Variants in CNTNAP4 observed in about 807,000 individuals in gnomAD.
CNTNAP4 encodes the protein contactin-associated protein-like 4.
Under a neutral mutation model 148.4 loss-of-function variants are expected in CNTNAP4, and 98 were observed. The ratio of observed to expected loss-of-function variants is 0.66; its 90% CI spans 0.56 to 0.78. The LOEUF (loss-of-function observed/expected upper bound fraction) is 0.78, where lower values mean the gene tolerates loss of function less well. CNTNAP4 is among the 30% of genes least tolerant of loss of function. The probability of loss-of-function intolerance (pLI) is 0.00; values close to 1 mark genes in which losing one functional copy is unlikely to be tolerated. For missense variants in CNTNAP4, 1,935 were observed against 1,565.6 expected (o/e 1.24, Z -3.98); for synonymous variants, 730 against 565.1 (o/e 1.29, Z -4.14).
chr16:76,503,614 G>A (rs537254118), intron 15 of CNTNAP4, among the ~76,000 whole-genome samples: 34 of 152,146 alleles, frequency 2.2e-4, no homozygotes, highest in African/African-American at 7.7e-4. Context: ...GTGCCATGTT[G>A]GTGTGCTGCA....
chr16:76,452,838 T>G (rs2080565773), intron 8 of CNTNAP4, 69 bp downstream of exon 8: 3 of 1,358,550 alleles, frequency 2.2e-6, no homozygotes, highest in African/African-American at 2.9e-5. Flanking sequence ...TGGCCAAATT[T>G]TATGCATAAC....
At chr16:76,511,427 G>A (rs1382140471) in intron 15 of CNTNAP4, among the ~76,000 whole-genome samples, 1 of 152,118 alleles carries the variant, frequency 6.6e-6, no homozygotes. Flanking sequence ...TTGCAGAAGT[G>A]AGACTCTTCA....
chr16:76,302,653 T>C (rs1357897839), intron 1 of CNTNAP4, among the ~76,000 whole-genome samples: 2 of 152,196 alleles, frequency 1.3e-5, no homozygotes, highest in Non-Finnish European at 2.9e-5. Context: ...AATTAATTAA[T>C]TACATCTGCA....
At chr16:76,318,727 ATTAT>A (rs1385395516) in intron 2 of CNTNAP4, among the ~76,000 whole-genome samples, 2 of 148,068 alleles carry the variant, frequency 1.4e-5, no homozygotes, top group African/African-American at 2.5e-5. Flanking sequence ...GAATAAATTA[ATTAT>A]TTTTATTAAT....
chr16:76,399,342 G>C (rs74026759), intron 3 of CNTNAP4, among the ~76,000 whole-genome samples: 6,859 of 152,246 alleles, frequency 0.045, 521 homozygotes, highest in African/African-American at 0.16. Context: ...ATGAGATGAT[G>C]TGTGAAAAGT....
At chr16:76,518,549 T>C (rs2083337409) in intron 15 of CNTNAP4, among the ~76,000 whole-genome samples, 1 of 152,190 alleles carries the variant, frequency 6.6e-6, no homozygotes, top group African/African-American at 2.4e-5. Context: ...AGATACATAA[T>C]ACTTATGCAT....
chr16:76,480,278 A>C (rs889092481), intron 12 of CNTNAP4, among the ~76,000 whole-genome samples: 3 of 152,192 alleles, frequency 2.0e-5, no homozygotes, highest in Non-Finnish European at 4.4e-5. Context: ...ACAAACATAA[A>C]ATTAATTTTA....
At chr16:76,456,264 G>A (rs1291397445) in intron 8 of CNTNAP4, among the ~76,000 whole-genome samples, 1 of 152,192 alleles carries the variant, frequency 6.6e-6, no homozygotes, top group Non-Finnish European at 1.5e-5. Context: ...TAGGATTTGG[G>A]GTTGTGTTAG....
chr16:76,394,231 T>C (rs1290666674), intron 3 of CNTNAP4, among the ~76,000 whole-genome samples: 3 of 152,210 alleles, frequency 2.0e-5, no homozygotes, highest in African/African-American at 4.8e-5. Context: ...ATTTTGGAAG[T>C]TGGCCTTGAG....
chr16:76,329,884 C>G (rs138445763), intron 2 of CNTNAP4, among the ~76,000 whole-genome samples: 221 of 152,172 alleles, frequency 1.5e-3, no homozygotes, highest in Admixed American at 2.9e-3. Context: ...GACTGTGTGC[C>G]AGAAAGAGAA....
rs28690693 is a variant in CNTNAP4 at position 76,320,647 on chromosome 16, T to A, written c.196+4124T>A. Among the ~76,000 whole-genome samples the A allele has an allele frequency of 8.0e-3, 1,217 of 152,282 alleles. 16 individuals carry two copies. The highest frequency in any genetic ancestry group is 0.028 in the African/African-American group (1,151 of 41,560). Reference sequence around the variant, plus strand: ...TTTTAATGGGCAATTTAAAGTTAAGTGTACATTGACTCTTAGTGTTGTCAA... The same window carrying A: ...TTTTAATGGGCAATTTAAAGTTAAGAGTACATTGACTCTTAGTGTTGTCAA... On this transcript the variant is annotated intron_variant, in intron 2 of 23. Coordinates refer to ENST00000611870, the MANE Select transcript of CNTNAP4 (RefSeq NM_033401.5).
chr16:76,549,445 G>C (rs964809582), intron 21 of CNTNAP4, among the ~76,000 whole-genome samples: 13 of 152,054 alleles, frequency 8.5e-5, no homozygotes, highest in African/African-American at 3.1e-4. Flanking sequence ...GGTGATCAGT[G>C]GCTGGGCACC....
rs570768904 is a variant in CNTNAP4, at chr16:76,559,855, C to G, written c.*1172C>G. ...AATATGAGCTGCAACCATCAGTGAT[C>G]TACACAATCAATAATTAAACAATGC... On this transcript the variant is annotated 3_prime_UTR_variant, in exon 24 of 24. Transcript: ENST00000611870. Among the ~76,000 whole-genome samples the G allele has an allele frequency of 2.6e-5, 4 of 152,248 alleles. No individual in the cohort carries two copies. In the East Asian group the frequency reaches 5.8e-4, roughly 22 times the overall value.
intron 3 of CNTNAP4, among the ~76,000 whole-genome samples, chr16:76,371,420 G>A (rs1322895209): frequency 6.6e-6 from 1 of 152,082 alleles, no homozygotes; most frequent in African/African-American, 2.4e-5. Context: ...TGAGTAGCTG[G>A]GATTACAGGT....
chr16:76,296,015 A>AT (rs1228165725), intron 1 of CNTNAP4, among the ~76,000 whole-genome samples: 2 of 152,088 alleles, frequency 1.3e-5, no homozygotes, highest in African/African-American at 4.8e-5. Context: ...AAGTGTGTTC[A>AT]TTTTTTGAAA....
intron 1 of CNTNAP4, among the ~76,000 whole-genome samples, chr16:76,294,916 A>G (rs930615642): frequency 8.5e-5 from 13 of 152,198 alleles, no homozygotes; most frequent in Non-Finnish European, 1.9e-4. Flanking sequence ...TTGTGACCAC[A>G]TTTTATGCTG....
At chr16:76,291,051 T>C (rs966799802) in intron 1 of CNTNAP4, among the ~76,000 whole-genome samples, 2 of 152,166 alleles carry the variant, frequency 1.3e-5, no homozygotes, top group Non-Finnish European at 2.9e-5. Flanking sequence ...TACAACCTCA[T>C]TTAAACATAA....
At chr16:76,306,983 C>T (rs1307130533) in intron 1 of CNTNAP4, among the ~76,000 whole-genome samples, 1 of 152,034 alleles carries the variant, frequency 6.6e-6, no homozygotes, top group Non-Finnish European at 1.5e-5. Flanking sequence ...AATCCAGACC[C>T]CATGTTTTCA....
intron 3 of CNTNAP4, among the ~76,000 whole-genome samples, chr16:76,370,764 CTGAG>C (rs1302650486): frequency 6.6e-6 from 1 of 152,178 alleles, no homozygotes; most frequent in Non-Finnish European, 1.5e-5. Flanking sequence ...CAAGTACTTA[CTGAG>C]TGATTCCTCA....
Sources: gnomAD v4.1 joint callset for allele counts (sites outside exome capture counted in the v4.1 genomes callset) on GRCh38, gnomAD v4.1.1 for gene constraint, MANE v1.5 for transcripts, NCBI Gene and HGNC (gene_info 2026-07-23, HGNC 2026-07-21) for gene names.